The following EIF4G3 variants were observed in gnomAD, a reference collection of about 807,000 sequenced individuals.
EIF4G3 encodes eukaryotic translation initiation factor 4 gamma 3, also known as eIF-4-gamma 3.
EIF4G3 carries 34 observed loss-of-function variants against 186.4 expected under a neutral mutation model. That is an observed-to-expected ratio of 0.18 (90% CI 0.14 to 0.24). EIF4G3 has a LOEUF of 0.24. EIF4G3 is among the 10% of genes least tolerant of loss of function. The pLI is 1.00. For missense variants in EIF4G3, 1,536 were observed against 1,948.5 expected (o/e 0.79, Z 3.99); for synonymous variants, 673 against 679.5 (o/e 0.99, Z 0.15).
At chr1:20,908,594 G>C (rs1027091985) in intron 14 of EIF4G3, among the ~76,000 whole-genome samples, 1 of 152,036 alleles carries the variant, frequency 6.6e-6, no homozygotes, top group Admixed American at 6.6e-5. Context: ...CATTTTTCTG[G>C]TATCTGTAGG....
At chr1:21,034,943 G>A (rs2093054166) in intron 4 of EIF4G3, among the ~76,000 whole-genome samples, 1 of 152,118 alleles carries the variant, frequency 6.6e-6, no homozygotes, top group African/African-American at 2.4e-5. Flanking sequence ...GAGCCCTGGG[G>A]CTGCAGGGGG....
chr1:20,972,390 T>C (rs1041576501), intron 11 of EIF4G3, among the ~76,000 whole-genome samples: 1 of 152,114 alleles, frequency 6.6e-6, no homozygotes, highest in Non-Finnish European at 1.5e-5. Flanking sequence ...TCCCAGCACT[T>C]TGGGAGGCCA....
At chr1:20,924,743 G>A (rs2094746636) in intron 14 of EIF4G3, among the ~76,000 whole-genome samples, 1 of 152,170 alleles carries the variant, frequency 6.6e-6, no homozygotes, top group Non-Finnish European at 1.5e-5. Flanking sequence ...TATATTTTTA[G>A]TAGAGATGGG....
rs762173015 is a variant in EIF4G3 at position 20,829,287 on chromosome 1, G to C, written c.4062-15C>G. ...TTTCTGAAAAACTGAAAAGGAACAG[G>C]GGGTAAAAATCACATGCAAATGTAA... On this transcript the variant is annotated splice_polypyrimidine_tract_variant and intron_variant, in intron 30 of 36. Transcript: ENST00000602326. 3 of 1,608,598 alleles carry C rather than the reference G, an allele frequency of 1.9e-6. No homozygotes were observed. In the East Asian group the frequency reaches 6.7e-5, roughly 36 times the overall value.
At chr1:20,985,525 A>AT (rs1006239181) in intron 7 of EIF4G3, among the ~76,000 whole-genome samples, 70 of 138,218 alleles carry the variant, frequency 5.1e-4, no homozygotes, top group African/African-American at 8.8e-4. Context: ...CAAAAAAAAA[A>AT]AAAAATATAT....
At chr1:20,971,015 A>T (rs2075784390) in intron 11 of EIF4G3, among the ~76,000 whole-genome samples, 1 of 152,234 alleles carries the variant, frequency 6.6e-6, no homozygotes, top group Non-Finnish European at 1.5e-5. Flanking sequence ...AATAATCATT[A>T]AGATGTGCTG....
intron 20 of EIF4G3, among the ~76,000 whole-genome samples, chr1:20,872,856 C>T (rs1041818945): frequency 1.3e-5 from 2 of 151,976 alleles, no homozygotes; most frequent in Non-Finnish European, 2.9e-5. Flanking sequence ...CCTGCCTCAG[C>T]CTCCCAAGTA....
chr1:21,055,853 C>A (rs1173399991), intron 3 of EIF4G3, among the ~76,000 whole-genome samples: 1 of 152,042 alleles, frequency 6.6e-6, no homozygotes, highest in Non-Finnish European at 1.5e-5. Context: ...AGGAAAAATA[C>A]ATCTGCAGAG....
intron 14 of EIF4G3, among the ~76,000 whole-genome samples, chr1:20,921,939 AG>A (rs1262184150): frequency 5.3e-5 from 8 of 152,224 alleles, no homozygotes; most frequent in Non-Finnish European, 1.2e-4. Flanking sequence ...ATATCTGCTT[AG>A]GTGATGGAAT....
chr1:20,828,029 G>GTTTTTTT (rs67354523), intron 31 of EIF4G3, among the ~76,000 whole-genome samples: 1 of 127,418 alleles, frequency 7.8e-6, no homozygotes, highest in Non-Finnish European at 1.7e-5. Flanking sequence ...CTTTTATAAA[G>GTTTTTTT]TTTTTTTTTT....
chr1:21,061,741 G>GTT (rs1043319207), intron 3 of EIF4G3, among the ~76,000 whole-genome samples: 97 of 129,026 alleles, frequency 7.5e-4, no homozygotes, highest in African/African-American at 9.1e-4. Flanking sequence ...TTCTCTGCTT[G>GTT]TTTTTTTTTT....
Position 21,012,500 on chromosome 1 carries a change from G to C in EIF4G3, c.-66-9692C>G, listed in dbSNP as rs145956581. On this transcript the variant is annotated intron_variant, in intron 4 of 36. Coordinates refer to ENST00000602326, the MANE Select transcript of EIF4G3 (RefSeq NM_001391906.1). ...AACACAGGACATCACCAAGATAACA[G>C]ACTACGATGATCCAGGTCCACATCA... Among the ~76,000 whole-genome samples the C allele has an allele frequency of 4.3e-4, 65 of 152,264 alleles. 1 individual carries two copies. Among genetic ancestry groups the C allele is most frequent in the African/African-American group, 1.4e-3 (57 of 41,536 alleles).
intron 8 of EIF4G3, among the ~76,000 whole-genome samples, chr1:20,981,453 G>A (rs906918256): frequency 3.3e-5 from 5 of 151,548 alleles, no homozygotes; most frequent in African/African-American, 7.3e-5. Flanking sequence ...GGGTGGTTTC[G>A]ACCCGACTGT....
At chr1:21,145,135 C>A (rs2097415686) in intron 2 of EIF4G3, among the ~76,000 whole-genome samples, 1 of 151,980 alleles carries the variant, frequency 6.6e-6, no homozygotes, top group Non-Finnish European at 1.5e-5. Flanking sequence ...TTCTTGAGTA[C>A]CAACCATATC....
intron 19 of EIF4G3, among the ~76,000 whole-genome samples, chr1:20,883,249 T>TACCAGAAAGG (rs1462149275): frequency 6.6e-6 from 1 of 151,910 alleles, no homozygotes; most frequent in Non-Finnish European, 1.5e-5. Flanking sequence ...AGTACTAGGG[T>TACCAGAAAGG]TGATTAGAGA....
intron 4 of EIF4G3, among the ~76,000 whole-genome samples, chr1:21,017,913 T>C (rs1264150154): frequency 6.6e-6 from 1 of 151,876 alleles, no homozygotes; most frequent in Non-Finnish European, 1.5e-5. Flanking sequence ...TGAAAAGAGG[T>C]ATGAAGATAC....
chr1:21,066,589 T>C (rs2154579517), intron 3 of EIF4G3, among the ~76,000 whole-genome samples: 2 of 152,254 alleles, frequency 1.3e-5, no homozygotes, highest in Middle Eastern at 6.8e-3. Flanking sequence ...CCTTCACAAT[T>C]TCTTGCCTAC....
At position 20,897,548 on chromosome 1, in the gene EIF4G3, A is replaced by T. The variant is rs2088701155; in HGVS notation, c.2000-2047T>A. Among the ~76,000 whole-genome samples, 3 of 152,034 alleles carry T rather than the reference A, an allele frequency of 2.0e-5. No homozygotes were observed. In the South Asian group the frequency reaches 6.2e-4, roughly 31 times the overall value. ...AAAAAAATCACAGTTTTCTTATTTT[A>T]ATTAATAAAACTCATCAAAATCAGA... is the stretch of plus-strand genomic sequence containing the variant. On this transcript the variant is annotated intron_variant, in intron 16 of 36. Coordinates refer to ENST00000602326, the MANE Select transcript of EIF4G3 (RefSeq NM_001391906.1).
chr1:21,084,464 G>GC (rs1309891018), intron 3 of EIF4G3, among the ~76,000 whole-genome samples: 1 of 152,018 alleles, frequency 6.6e-6, no homozygotes, highest in Non-Finnish European at 1.5e-5. Context: ...GGGAAAATCT[G>GC]CCCCCATGAT....
Sources: gnomAD v4.1 joint callset for allele counts (sites outside exome capture counted in the v4.1 genomes callset) on GRCh38, gnomAD v4.1.1 for gene constraint, MANE v1.5 for transcripts, NCBI Gene and HGNC (gene_info 2026-07-23, HGNC 2026-07-21) for gene names.